The following NSD1 variants were observed in gnomAD, a reference collection of about 807,000 sequenced individuals.
NSD1 encodes the protein histone-lysine N-methyltransferase, H3 lysine-36 specific.
In NSD1, 26 loss-of-function variants were observed where a neutral mutation model predicts 242.7. The ratio of observed to expected loss-of-function variants is 0.11; its 90% CI spans 0.08 to 0.15. NSD1 has a LOEUF of 0.15. Ranked by LOEUF, NSD1 falls within the 10% of genes least tolerant of loss-of-function variation. The pLI is 1.00. For missense variants in NSD1, 2,495 were observed against 3,272.8 expected (o/e 0.76, Z 5.80); for synonymous variants, 1,106 against 1,178.1 (o/e 0.94, Z 1.25).
At chr5:177,228,305 A>G (rs1258254542) in intron 5 of NSD1, among the ~76,000 whole-genome samples, 1 of 147,432 alleles carries the variant, frequency 6.8e-6, no homozygotes, top group Non-Finnish European at 1.5e-5. Context: ...TCTGTCACCC[A>G]GGATGGAGGG....
chr5:177,162,002 T>C (rs1257796064), intron 2 of NSD1, among the ~76,000 whole-genome samples: 1 of 151,876 alleles, frequency 6.6e-6, no homozygotes, highest in East Asian at 1.9e-4. Flanking sequence ...AAAGCACAGA[T>C]TGAATCTAAT....
rs759706066 is a variant in NSD1, at chr5:177,210,229, A to T, written c.1830A>T (p.Gln610His). The change falls in exon 5 of 23, where the codon CAA becomes CAT. Residue 610 changes from glutamine (Q) to histidine (H), a missense_variant. This residue lies in a region of NSD1 where 515 missense variants were observed against 467.0 expected (regional missense o/e 1.10). Coordinates refer to ENST00000439151, the MANE Select transcript of NSD1 (RefSeq NM_022455.5). ...GTTCTCGAGAGAAGAATAAACCCCA[A>T]CGAAGCCTGGTGTGTGGTTCAAAAG... is the stretch of plus-strand genomic sequence containing the variant. ...SKCSREKNKP[Q>H]RSLVCGSKVK... 2 of 1,595,180 alleles carry T rather than the reference A, an allele frequency of 1.3e-6. No individual in the cohort carries two copies. Among genetic ancestry groups the T allele is most frequent in the Non-Finnish European group, 1.7e-6 (2 of 1,171,524 alleles).
chr5:177,202,815 A>C (rs1581286729), intron 3 of NSD1, among the ~76,000 whole-genome samples: 1 of 152,306 alleles, frequency 6.6e-6, no homozygotes, highest in African/African-American at 2.4e-5. Flanking sequence ...TTAATTCAGT[A>C]GGTGGGAAAT....
In NSD1 at chr5:177,210,181, T is replaced by C. The variant is rs200002555; in HGVS notation, c.1782T>C (p.Pro594=). The change falls in exon 5 of 23, where the codon CCT becomes CCC. Residue 594 remains proline, a synonymous_variant. Transcript: ENST00000439151. ...ATGGTGACTCTTTATTGGGCTTGCC[T>C]GAGGGTGCTTTGATCTCAAAGTGTT... ...TSNGDSLLGL[P]EGALISKCSR... is the part of the protein sequence containing the mutation. 5.1e-5 allele frequency: 82 copies of C among 1,603,272 alleles called. No homozygotes were observed. Among genetic ancestry groups the C allele is most frequent in the Non-Finnish European group, 5.0e-5 (59 of 1,175,504 alleles).
intron 2 of NSD1, among the ~76,000 whole-genome samples, chr5:177,155,328 G>A (rs774487362): frequency 6.6e-6 from 1 of 150,766 alleles, no homozygotes; most frequent in Non-Finnish European, 1.5e-5. Context: ...GTATTTCACT[G>A]TATTGGTCAG....
intron 2 of NSD1, among the ~76,000 whole-genome samples, chr5:177,171,510 A>G (rs1759709474): frequency 6.6e-6 from 1 of 152,136 alleles, no homozygotes; most frequent in Non-Finnish European, 1.5e-5. Flanking sequence ...CTTATTTAGC[A>G]TGTATCAGCG....
intron 2 of NSD1, among the ~76,000 whole-genome samples, chr5:177,189,279 G>A (rs1407183811): frequency 1.3e-5 from 2 of 152,136 alleles, no homozygotes; most frequent in South Asian, 2.1e-4. Flanking sequence ...AGTTTGTGAT[G>A]GAGTCAGAAG....
At chr5:177,252,909 C>T (rs1430333538) in intron 12 of NSD1, among the ~76,000 whole-genome samples, 3 of 150,546 alleles carry the variant, frequency 2.0e-5, no homozygotes, top group Admixed American at 6.7e-5. Flanking sequence ...AGCTGCACAT[C>T]TGGATGATAC....
chr5:177,163,469 T>G (rs549253038), intron 2 of NSD1, among the ~76,000 whole-genome samples: 2 of 152,208 alleles, frequency 1.3e-5, no homozygotes, highest in African/African-American at 4.8e-5. Flanking sequence ...AAAGGCAGCT[T>G]GGGATTGTAG....
chr5:177,252,536 G>GTTTTTTTT (rs1362275540), intron 12 of NSD1, among the ~76,000 whole-genome samples: 7 of 98,992 alleles, frequency 7.1e-5, no homozygotes, highest in African/African-American at 2.6e-4. Flanking sequence ...AAAGTAAAGT[G>GTTTTTTTT]TTCTTTTTTT....
intron 2 of NSD1, among the ~76,000 whole-genome samples, chr5:177,170,115 G>A (rs562067461): frequency 4.6e-5 from 7 of 151,410 alleles, no homozygotes; most frequent in Non-Finnish European, 1.0e-4. Flanking sequence ...GACTACAGGC[G>A]CCCGCCACCA....
At chr5:177,132,424 C>T (rs1755945035), upstream of NSD1, among the ~76,000 whole-genome samples, 1 of 151,570 alleles carries the variant, frequency 6.6e-6, no homozygotes, top group East Asian at 1.9e-4. The surrounding 1 kb of genome is among the most constrained non-coding windows in gnomAD (Gnocchi z 7.5). Flanking sequence ...GCTGCCCGAG[C>T]CCCCGTGCCA....
rs1214777875 is a variant in NSD1, at chr5:177,283,891, C to A, written c.6114C>A (p.Thr2038=). 6.2e-7 allele frequency: 1 copy of A among 1,614,140 alleles called. No individual in the cohort carries two copies. Among genetic ancestry groups the A allele is most frequent in the South Asian group, 1.1e-5 (1 of 91,086 alleles). The stretch of plus-strand genomic sequence containing the variant: ...AGAAGTGGTCTGTGAATGGAGATAC[C>A]CGTGTAGGCCTTTTTGCACTAAGTG... ...ETQKWSVNGD[T]RVGLFALSDI... The change falls in exon 20 of 23, where the codon ACC becomes ACA. Residue 2038 remains threonine (T), a synonymous_variant. Coordinates refer to ENST00000439151, the MANE Select transcript of NSD1 (RefSeq NM_022455.5).
intron 5 of NSD1, among the ~76,000 whole-genome samples, chr5:177,232,838 AG>A (rs776114278): frequency 8.5e-5 from 13 of 152,244 alleles, no homozygotes; most frequent in Non-Finnish European, 1.3e-4. Flanking sequence ...TAGTGCAGAA[AG>A]TAAGTCAGGC....
At chr5:177,280,121 GCGCCCACCA>G (rs1404643338) in intron 17 of NSD1, among the ~76,000 whole-genome samples, 2 of 146,584 alleles carry the variant, frequency 1.4e-5, no homozygotes, top group African/African-American at 2.5e-5. Context: ...GGGACTACAG[GCGCCCACCA>G]CCACACCTGT....
At chr5:177,251,888 A>C (rs1182868026) in intron 12 of NSD1, 35 bp downstream of exon 12, 4 of 1,613,640 alleles carry the variant, frequency 2.5e-6, no homozygotes, top group Middle Eastern at 1.6e-4. Context: ...CCTCCAAAGA[A>C]AGTTTGAATT....
At chr5:177,274,697 T>TGTGTGTG (rs1758217147) in intron 17 of NSD1, among the ~76,000 whole-genome samples, 60 of 145,446 alleles carry the variant, frequency 4.1e-4, no homozygotes, top group African/African-American at 1.4e-3. Context: ...CACTTATCCT[T>TGTGTGTG]TGTGTGTGTG....
chr5:177,265,551 A>G, intron 14 of NSD1: 1 of 934,812 alleles, frequency 1.1e-6, no homozygotes, highest in East Asian at 2.5e-5. Flanking sequence ...GGGCCCGTGC[A>G]GGGCGGGAGA....
intron 2 of NSD1, among the ~76,000 whole-genome samples, chr5:177,169,907 T>G (rs1007383665): frequency 1.2e-4 from 19 of 152,006 alleles, no homozygotes; most frequent in African/African-American, 3.9e-4. Flanking sequence ...GGTATTAGAT[T>G]TTTAAAATGT....
Sources: allele counts gnomAD v4.1 joint callset (sites outside exome capture counted in the v4.1 genomes callset), GRCh38; gene constraint gnomAD v4.1.1; regional missense constraint gnomAD v4.1.1; non-coding constraint Gnocchi (gnomAD v3.1); transcripts MANE v1.5; gene names NCBI Gene and HGNC (gene_info 2026-07-23, HGNC 2026-07-21).